The following PACS1 variants were observed in gnomAD, a reference collection of about 807,000 sequenced individuals.
PACS1 encodes PACS-1.
In PACS1, 24 loss-of-function variants were observed where a neutral mutation model predicts 115.0. The ratio of observed to expected loss-of-function variants is 0.21; its 90% confidence interval spans 0.15 to 0.29. The LOEUF is 0.29. PACS1 is among the 10% of genes least tolerant of loss of function. PACS1 has a pLI of 1.00. For synonymous variants in PACS1, 453 were observed against 504.5 expected, an observed-to-expected ratio of 0.90 and a Z score of 1.37; for missense variants, 838 against 1,251.2, an observed-to-expected ratio of 0.67 and a Z score of 4.98.
At chr11:66,119,299 A>G (rs1858388451) in intron 1 of PACS1, among the ~76,000 whole-genome samples, 1 of 152,208 alleles carries the variant, frequency 6.6e-6, no homozygotes, top group Non-Finnish European at 1.5e-5. Flanking sequence ...ATGAAATTCA[A>G]ATTTCTGTCT....
Position 66,216,760 on chromosome 11 carries a change from C to G in PACS1, c.963C>G (p.Thr321=). ...VKKTRRKLTS[T]SAITRQPNIK... Reference sequence around the variant, plus strand: ...AGACCCGGAGGAAACTAACCTCAACCTCTGCCATCACAAGGGTGAGCCTCA... The same window carrying G: ...AGACCCGGAGGAAACTAACCTCAACGTCTGCCATCACAAGGGTGAGCCTCA... Residue 321 remains threonine, a synonymous_variant, in exon 7 of 24, where the codon ACC becomes ACG. Coordinates refer to ENST00000320580, the MANE Select transcript of PACS1 (RefSeq NM_018026.4). The G allele has an allele frequency of 2.5e-6, 4 of 1,613,644 alleles. No homozygotes were observed. Among genetic ancestry groups the G allele is most frequent in the Non-Finnish European group, 2.5e-6 (3 of 1,179,674 alleles).
chr11:66,193,363 T>A (rs1854572516), intron 1 of PACS1, 123 bp from the exon 2 acceptor site: 2 of 634,030 alleles, frequency 3.2e-6, no homozygotes, highest in African/African-American at 1.8e-5. Context: ...AGGGGACCCC[T>A]GGGACTGAGG....
At chr11:66,186,673 T>C (rs546287066) in intron 1 of PACS1, among the ~76,000 whole-genome samples, 1 of 152,242 alleles carries the variant, frequency 6.6e-6, no homozygotes, top group Non-Finnish European at 1.5e-5. Context: ...TGTGCCTCAT[T>C]ATAAGGCTGA....
chr11:66,110,242 C>T (rs1858156587), intron 1 of PACS1, among the ~76,000 whole-genome samples: 1 of 152,134 alleles, frequency 6.6e-6, no homozygotes, highest in African/African-American at 2.4e-5. Context: ...CTGATTGCTT[C>T]ATGACCCTTT....
Position 66,215,669 on chromosome 11 carries a change from C to T in PACS1, c.661-450C>T, listed in dbSNP as rs528721675. On this transcript the variant is annotated intron_variant, in intron 4 of 23. Coordinates refer to ENST00000320580, the MANE Select transcript of PACS1 (RefSeq NM_018026.4). ...TATCCCAGCACTTGGGAGGCCGAGG[C>T]GGGCAGATCATGAGGTCAGGAGTTT... Among the ~76,000 whole-genome samples the T allele has an allele frequency of 9.9e-5, 15 of 151,922 alleles. No individual in the cohort carries two copies. The East Asian group carries it at 1.9e-3, about 20-fold the overall frequency.
At position 66,213,836 on chromosome 11, in the gene PACS1, A is replaced by G. The variant is rs1855135315; in HGVS notation, c.661-2283A>G. Among the ~76,000 whole-genome samples, 3 of 152,134 alleles carry G rather than the reference A, an allele frequency of 2.0e-5. No individual in the cohort carries two copies. In the South Asian group the frequency reaches 6.2e-4, roughly 31 times the overall value. The stretch of plus-strand genomic sequence containing the variant: ...ATCACGAGGTCAGGAGATCGAAACC[A>G]TCCTGGCTAACACGGTGAAACCCCA... On this transcript the variant is annotated intron_variant, in intron 4 of 23. Transcript: ENST00000320580.
At chr11:66,230,269 C>G in intron 11 of PACS1, 1 of 463,546 alleles carries the variant, frequency 2.2e-6, no homozygotes, top group East Asian at 4.1e-5. Flanking sequence ...CTGGAGACAG[C>G]AGATCATCAG....
intron 1 of PACS1, among the ~76,000 whole-genome samples, chr11:66,132,508 C>T (rs1337110386): frequency 6.6e-6 from 1 of 152,072 alleles, no homozygotes; most frequent in Non-Finnish European, 1.5e-5. Flanking sequence ...CACACATCCT[C>T]CCTCGTACTT....
At chr11:66,177,491 A>G (rs1859894531) in intron 1 of PACS1, among the ~76,000 whole-genome samples, 1 of 152,150 alleles carries the variant, frequency 6.6e-6, no homozygotes, top group Non-Finnish European at 1.5e-5. Flanking sequence ...GCACCCGGCC[A>G]AAATAGATAA....
At chr11:66,100,691 G>A (rs926875744) in intron 1 of PACS1, 1 of 416,610 alleles carries the variant, frequency 2.4e-6, no homozygotes, top group African/African-American at 2.0e-5. Context: ...TCTCTCTGCG[G>A]CACTCAAGTG....
intron 4 of PACS1, among the ~76,000 whole-genome samples, chr11:66,212,803 G>A (rs1855106124): frequency 6.6e-6 from 1 of 152,100 alleles, no homozygotes; most frequent in African/African-American, 2.4e-5. Context: ...TTACCAGACA[G>A]TGAATTTCTA....
At chr11:66,213,689 T>C (rs185247718) in intron 4 of PACS1, among the ~76,000 whole-genome samples, 1 of 152,370 alleles carries the variant, frequency 6.6e-6, no homozygotes, top group East Asian at 1.9e-4. Flanking sequence ...CCAATGCCTT[T>C]TTATAGCTTT....
chr11:66,101,368 G>T (rs1009364027), intron 1 of PACS1, among the ~76,000 whole-genome samples: 6 of 152,154 alleles, frequency 3.9e-5, no homozygotes, highest in African/African-American at 4.8e-5. Context: ...CATACAGTGG[G>T]TTGGGAATCT....
At chr11:66,194,200 A>T (rs781074507) in intron 2 of PACS1, among the ~76,000 whole-genome samples, 2 of 152,038 alleles carry the variant, frequency 1.3e-5, no homozygotes, top group African/African-American at 4.8e-5. Context: ...TCATGACCTC[A>T]TGATCCGCTT....
At chr11:66,071,994 C>T (rs1281736974) in intron 1 of PACS1, among the ~76,000 whole-genome samples, 1 of 152,198 alleles carries the variant, frequency 6.6e-6, no homozygotes, top group Non-Finnish European at 1.5e-5. Flanking sequence ...CCCTTCCTGA[C>T]TGTCTCCCCT....
chr11:66,143,698 G>A (rs560217524), intron 1 of PACS1, among the ~76,000 whole-genome samples: 1 of 152,220 alleles, frequency 6.6e-6, no homozygotes, highest in African/African-American at 2.4e-5. Flanking sequence ...GGAGTGCAGT[G>A]GCACAATCTC....
At chr11:66,206,370 C>G (rs971123587) in intron 2 of PACS1, among the ~76,000 whole-genome samples, 1 of 152,028 alleles carries the variant, frequency 6.6e-6, no homozygotes, top group African/African-American at 2.4e-5. Context: ...CTGGAAGAAG[C>G]AAATACTGGA....
At chr11:66,179,407 G>A (rs983057411) in intron 1 of PACS1, among the ~76,000 whole-genome samples, 1 of 152,080 alleles carries the variant, frequency 6.6e-6, no homozygotes, top group Non-Finnish European at 1.5e-5. Flanking sequence ...ATATTGTTTA[G>A]ACCTCGGGTG....
intron 1 of PACS1, among the ~76,000 whole-genome samples, chr11:66,152,436 G>C (rs1859262767): frequency 6.6e-6 from 1 of 152,118 alleles, no homozygotes; most frequent in East Asian, 1.9e-4. Context: ...AGAAAGGGAA[G>C]AGAAAAATAG....
Sources: gnomAD v4.1 joint callset for allele counts (sites outside exome capture counted in the v4.1 genomes callset) on GRCh38, gnomAD v4.1.1 for gene constraint, MANE v1.5 for transcripts, NCBI Gene and HGNC (gene_info 2026-07-23, HGNC 2026-07-21) for gene names.